Variants in ARSG observed in about 807,000 individuals in gnomAD.
ARSG encodes the protein arylsulfatase G.
In ARSG, 37 loss-of-function variants were observed where a neutral mutation model predicts 50.5. The observed-to-expected ratio is 0.73, with a 90% CI of 0.56 to 0.96. ARSG has a LOEUF of 0.96. Ranked by LOEUF, ARSG falls within the 50% of genes least tolerant of loss-of-function variation. The pLI is 0.00. For synonymous variants in ARSG, 225 were observed against 254.6 expected (o/e 0.88, Z 1.11); for missense variants, 629 against 675.3 (o/e 0.93, Z 0.76).
At position 68,385,067 on chromosome 17, in the gene ARSG, G is replaced by T; in HGVS notation, c.986G>T (p.Gly329Val). ...GCTGCCTCCCCTCCTCTCACAGGGG[G>T]AAGTCCAGCCAAGCAGACGACCTGG... The part of the protein sequence containing the change: ...FTGFWQTRQG[G>V]SPAKQTTWEG... The change falls in exon 9 of 12, where the codon GGA becomes GTA. Residue 329 changes from glycine (G) to valine (V), a missense_variant. By Grantham distance (109) the Gly-to-Val change is moderately radical. Transcript: ENST00000621439. 1 of 1,613,936 alleles carries T rather than the reference G, an allele frequency of 6.2e-7. No individual in the cohort carries two copies. Among genetic ancestry groups the T allele is most frequent in the Non-Finnish European group, 8.5e-7 (1 of 1,179,884 alleles).
intron 2 of ARSG, among the ~76,000 whole-genome samples, chr17:68,335,648 G>T (rs1388144899): frequency 6.6e-6 from 1 of 152,178 alleles, no homozygotes; most frequent in Non-Finnish European, 1.5e-5. Context: ...GTGGCAGATA[G>T]GTTGCAGGAG....
At chr17:68,287,930 CTCT>C (rs1373072204), upstream of ARSG, among the ~76,000 whole-genome samples, 180 of 150,854 alleles carry the variant, frequency 1.2e-3, 1 homozygote, top group African/African-American at 3.7e-3. Flanking sequence ...CTTTTCTCTT[CTCT>C]TCTTCTCTTC....
chr17:68,309,251 A>C lies in ARSG; in HGVS notation c.218+1540A>C, dbSNP rs11652095. 1.7e-3 allele frequency among the ~76,000 whole-genome samples: 252 copies of C among 152,200 alleles called. 6 individuals carry two copies. The highest frequency in any genetic ancestry group is 3.5e-4 in the Non-Finnish European group (24 of 67,984). Reference sequence around the variant, plus strand: ...GCCCACCCGGAACTCCAGCTGGCCCACAAGCGCAGCACGCAGCCCCAGTTC... The same window carrying C: ...GCCCACCCGGAACTCCAGCTGGCCCCCAAGCGCAGCACGCAGCCCCAGTTC... On this transcript the variant is annotated intron_variant, in intron 2 of 11. Coordinates refer to ENST00000621439, the MANE Select transcript of ARSG (RefSeq NM_001267727.2).
At position 68,346,991 on chromosome 17, in the gene ARSG, C is replaced by T. The variant is rs1003796548; in HGVS notation, c.407-134C>T. 4 of 1,544,992 alleles carry T rather than the reference C, an allele frequency of 2.6e-6. No individual in the cohort carries two copies. In the African/African-American group the frequency reaches 5.5e-5, roughly 21 times the overall value. On this transcript the variant is annotated intron_variant, in intron 3 of 11. Coordinates refer to ENST00000621439, the MANE Select transcript of ARSG (RefSeq NM_001267727.2). ...AGAGCAAAGCCTGGCTTGTACACCACATTGCAGCTTCTTTTGGCTTGTCCA... is the reference window on the plus strand; with the variant it reads ...AGAGCAAAGCCTGGCTTGTACACCATATTGCAGCTTCTTTTGGCTTGTCCA...
At chr17:68,334,341 C>A (rs1227163548) in intron 2 of ARSG, among the ~76,000 whole-genome samples, 1 of 152,160 alleles carries the variant, frequency 6.6e-6, no homozygotes, top group African/African-American at 2.4e-5. Context: ...CTTTAGCAAG[C>A]CTTGTTATGT....
At chr17:68,404,834 C>G (rs1293303232) in intron 11 of ARSG, among the ~76,000 whole-genome samples, 1 of 152,168 alleles carries the variant, frequency 6.6e-6, no homozygotes. Context: ...ATTTAGATCT[C>G]TGATCCATTT....
chr17:68,344,569 C>T (rs1353034837), intron 3 of ARSG, among the ~76,000 whole-genome samples: 6 of 152,212 alleles, frequency 3.9e-5, no homozygotes, highest in African/African-American at 7.2e-5. Flanking sequence ...AGTTTCAGGC[C>T]GGTGAAGAGA....
At chr17:68,421,844 C>A (rs556770534), downstream of ARSG, 20 of 1,613,984 alleles carry the variant, frequency 1.2e-5, no homozygotes, top group Non-Finnish European at 1.6e-5. Context: ...AACAGAATGG[C>A]CTTACTCTTC....
At chr17:68,449,392 G>T in the ARSG span, among the ~76,000 whole-genome samples, 1 of 152,186 alleles carries the variant, frequency 6.6e-6, no homozygotes, top group Non-Finnish European at 1.5e-5. Context: ...CACTCTGCGA[G>T]GCCAAGGAGG....
downstream of ARSG, chr17:68,427,360 T>A (rs970819694): frequency 4.8e-6 from 4 of 834,954 alleles, no homozygotes; most frequent in Non-Finnish European, 5.7e-6. Context: ...CTCTGTGGGT[T>A]ATTTATTTAT....
chr17:68,326,118 T>C (rs2077492479), intron 2 of ARSG, among the ~76,000 whole-genome samples: 1 of 152,132 alleles, frequency 6.6e-6, no homozygotes, highest in South Asian at 2.1e-4. Context: ...AACTCTAACC[T>C]AGATAAGGGA....
intron 7 of ARSG, 98 bp downstream of exon 7, chr17:68,368,842 T>C (rs2079681272): frequency 1.7e-5 from 23 of 1,352,174 alleles, no homozygotes; most frequent in Non-Finnish European, 2.4e-5. Flanking sequence ...TCCCCTTTCA[T>C]AGGTCAGGAG....
the ARSG span, chr17:68,450,619 A>G: frequency 6.4e-6 from 9 of 1,400,872 alleles, no homozygotes; most frequent in Non-Finnish European, 8.7e-6. Context: ...TAACATTCTC[A>G]TTAGAATTGG....
intron 2 of ARSG, among the ~76,000 whole-genome samples, chr17:68,320,508 G>A (rs1028730339): frequency 3.9e-5 from 6 of 152,122 alleles, no homozygotes; most frequent in Non-Finnish European, 1.5e-5. Flanking sequence ...CCAGGTGCTG[G>A]GAACACAGCT....
At chr17:68,359,951 G>A (rs1326735400) in intron 6 of ARSG, among the ~76,000 whole-genome samples, 1 of 152,174 alleles carries the variant, frequency 6.6e-6, no homozygotes, top group Non-Finnish European at 1.5e-5. Context: ...GGATGGTTTC[G>A]GGCCCCTGTG....
chr17:68,292,171 C>T (rs2076030326), intron 1 of ARSG, among the ~76,000 whole-genome samples: 1 of 152,072 alleles, frequency 6.6e-6, no homozygotes, highest in Admixed American at 6.5e-5. Context: ...GCAACAGCAT[C>T]CGCGTTGCGC....
At position 68,273,646 on chromosome 17, in the gene ARSG, C is replaced by G. The variant is rs117167859; in HGVS notation, c.-552+14220C>G. On this transcript the variant is annotated intron_variant, in intron 1 of 11. Coordinates refer to the ARSG transcript ENST00000448504. ...ATACTGGCTACAGAAATTCGTCTTA[C>G]TTTGTAAAAATGCTATCTTTTGGCT... is the stretch of plus-strand genomic sequence containing the variant. Among the ~76,000 whole-genome samples, 267 of 152,220 alleles carry G rather than the reference C, an allele frequency of 1.8e-3. 10 individuals carry two copies. The East Asian group carries it at 0.043, about 24-fold the overall frequency.
At chr17:68,433,760 G>GTTGT in the ARSG span, among the ~76,000 whole-genome samples, 4 of 72,822 alleles carry the variant, frequency 5.5e-5, no homozygotes, top group Non-Finnish European at 7.0e-5. Flanking sequence ...AAGGGTCATA[G>GTTGT]TTTTTTTTTT....
chr17:68,354,695 G>A (rs1190860608), intron 5 of ARSG, among the ~76,000 whole-genome samples: 1 of 151,982 alleles, frequency 6.6e-6, no homozygotes, highest in Non-Finnish European at 1.5e-5. Flanking sequence ...ACCAGCCTGG[G>A]CAACATGGTG....
Sources: allele counts gnomAD v4.1 joint callset (sites outside exome capture counted in the v4.1 genomes callset), GRCh38; gene constraint gnomAD v4.1.1; transcripts MANE v1.5; gene names NCBI Gene and HGNC (gene_info 2026-07-23, HGNC 2026-07-21).